Variants in TMOD1 observed in about 807,000 individuals in gnomAD.
The protein encoded by TMOD1 is tropomodulin 1.
In TMOD1, 17 loss-of-function variants were observed where a neutral mutation model predicts 40.6. The observed-to-expected ratio is 0.42, with a 90% confidence interval of 0.29 to 0.63. The LOEUF is 0.63. Among genes scored for constraint, TMOD1 ranks in the 20% least tolerant of loss-of-function variants. TMOD1 has a pLI of 0.22. For synonymous variants in TMOD1, 181 were observed against 175.0 expected (o/e 1.03, Z -0.27); for missense variants, 391 against 447.6 (o/e 0.87, Z 1.14).
chr9:97,578,895 A>G (rs1825677712), intron 8 of TMOD1, among the ~76,000 whole-genome samples: 1 of 152,174 alleles, frequency 6.6e-6, no homozygotes, highest in Non-Finnish European at 1.5e-5. Context: ...TTGCAGCAAG[A>G]GACCTCAAGG....
At chr9:97,515,212 A>C (rs1829785477) in intron 1 of TMOD1, among the ~76,000 whole-genome samples, 1 of 151,490 alleles carries the variant, frequency 6.6e-6, no homozygotes, top group East Asian at 1.9e-4. Context: ...AAAAAAAAAA[A>C]AACAAACCAC....
At chr9:97,529,932 A>G (rs1326125540) in intron 2 of TMOD1, among the ~76,000 whole-genome samples, 1 of 152,194 alleles carries the variant, frequency 6.6e-6, no homozygotes, top group Non-Finnish European at 1.5e-5. Flanking sequence ...GGGAGGGTTC[A>G]GTCATTAGCC....
At chr9:97,526,989 T>C (rs1830024283) in intron 2 of TMOD1, among the ~76,000 whole-genome samples, 2 of 152,176 alleles carry the variant, frequency 1.3e-5, no homozygotes, top group Admixed American at 1.3e-4. Flanking sequence ...CTCCTCTTCC[T>C]GATATTCACG....
chr9:97,569,175 C>G, intron 8 of TMOD1, 138 bp downstream of exon 8: 1 of 1,105,952 alleles, frequency 9.0e-7, no homozygotes, highest in Admixed American at 2.7e-5. Context: ...CTCCAAGGTC[C>G]CTAAAGTTCA....
upstream of TMOD1, chr9:97,501,290 G>A (rs769310871): frequency 1.3e-5 from 2 of 152,234 alleles, no homozygotes; most frequent in Non-Finnish European, 2.9e-5. Flanking sequence ...CAGCTGCTTA[G>A]CTGGCTTTGG....
intron 2 of TMOD1, among the ~76,000 whole-genome samples, chr9:97,527,374 C>A (rs930472086): frequency 6.6e-6 from 1 of 152,214 alleles, no homozygotes; most frequent in Non-Finnish European, 1.5e-5. Flanking sequence ...GGAGCACAGG[C>A]TGGTGGGGAC....
chr9:97,582,033 G>T (rs1825768351), intron 8 of TMOD1, among the ~76,000 whole-genome samples: 2 of 151,928 alleles, frequency 1.3e-5, no homozygotes, highest in Non-Finnish European at 2.9e-5. Flanking sequence ...GTCTTTTGTT[G>T]CCATTGCTTT....
intron 8 of TMOD1, among the ~76,000 whole-genome samples, chr9:97,579,902 C>T (rs1250653812): frequency 6.6e-6 from 1 of 152,114 alleles, no homozygotes; most frequent in African/African-American, 2.4e-5. Context: ...CATATTAAGG[C>T]AATAGGGATA....
Position 97,600,905 on chromosome 9 carries a change from CTAA to C in TMOD1, c.*1210_*1212del, listed in dbSNP as rs1332003853. The C allele has an allele frequency of 1.7e-6, 2 of 1,155,330 alleles. No homozygotes were observed. Among genetic ancestry groups the C allele is most frequent in the Non-Finnish European group, 2.2e-6 (2 of 918,772 alleles). The allele number at this position is 1,155,330 out of a possible 1,614,324, so 71.6% of individuals were successfully genotyped here. A position where few individuals can be genotyped will look rare whatever the true frequency, so the allele number is the denominator to read the frequency against. ...TTAATATACCACAGTGCCAGTTAAA[CTAA>C]TATTTTTGTTTGTTGCTTTTGGGAG... On this transcript the variant is annotated 3_prime_UTR_variant, in exon 10 of 10. Transcript: ENST00000259365.
intron 3 of TMOD1, among the ~76,000 whole-genome samples, chr9:97,547,162 C>T (rs1378601211): frequency 6.6e-6 from 1 of 152,090 alleles, no homozygotes; most frequent in Non-Finnish European, 1.5e-5. Flanking sequence ...CAGAGAGGGC[C>T]TCCCTGACCA....
intron 1 of TMOD1, among the ~76,000 whole-genome samples, chr9:97,519,405 A>G (rs921856441): frequency 2.0e-5 from 3 of 152,158 alleles, no homozygotes; most frequent in African/African-American, 7.2e-5. Context: ...AATAGACACC[A>G]GATTTGGAAG....
intron 2 of TMOD1, among the ~76,000 whole-genome samples, chr9:97,531,153 G>T (rs568688296): frequency 6.6e-6 from 1 of 151,666 alleles, no homozygotes; most frequent in South Asian, 2.1e-4. Context: ...CATTTTATGG[G>T]CATCATTTCA....
chr9:97,545,010 C>CAA lies in TMOD1; in HGVS notation c.121-1159_121-1158dup, dbSNP rs3052089. Among the ~76,000 whole-genome samples the CAA allele has an allele frequency of 3.9e-3, 325 of 82,936 alleles. 2 individuals are homozygous for CAA. Among genetic ancestry groups the CAA allele is most frequent in the African/African-American group, 0.012 (285 of 22,970 alleles). The allele number at this position is 82,936 out of a possible 152,430, so 54.4% of individuals were successfully genotyped here. On this transcript the variant is annotated intron_variant, in intron 2 of 9. Transcript: ENST00000259365. ...GGTGCAACAGAGCGAGAGTCCATCT[C>CAA]AAAAAAAAAAAAAAAAAGGTTGGAG...
intron 2 of TMOD1, among the ~76,000 whole-genome samples, chr9:97,533,484 A>C (rs1830133978): frequency 6.6e-6 from 1 of 152,214 alleles, no homozygotes; most frequent in African/African-American, 2.4e-5. Context: ...GTTCACATAG[A>C]CTAGAGAGTG....
In TMOD1 at chr9:97,600,220, A is replaced by G; in HGVS notation, c.*522A>G. On this transcript the variant is annotated 3_prime_UTR_variant, in exon 10 of 10. Transcript: ENST00000259365. ...TTGCCAAATTGATTACTGGATCCAGAACACAATTTTCCCCTCAGAACAGAT... is the reference window on the plus strand; with the variant it reads ...TTGCCAAATTGATTACTGGATCCAGGACACAATTTTCCCCTCAGAACAGAT... The G allele has an allele frequency of 1.0e-6, 1 of 994,096 alleles. No homozygotes were observed. The highest frequency in any genetic ancestry group is 1.2e-6 in the Non-Finnish European group (1 of 834,272). 61.6% of individuals were successfully genotyped at this position (994,096 alleles called of 1,614,324 possible).
chr9:97,585,339 C>G (rs1825847233), intron 8 of TMOD1, among the ~76,000 whole-genome samples: 1 of 151,318 alleles, frequency 6.6e-6, no homozygotes, highest in South Asian at 2.1e-4. Flanking sequence ...GGCCCCCACT[C>G]TCTTCTGGCT....
chr9:97,540,246 C>T (rs1246399146), intron 2 of TMOD1, among the ~76,000 whole-genome samples: 6 of 152,156 alleles, frequency 3.9e-5, no homozygotes, highest in South Asian at 4.1e-4. Context: ...TGCACAATTC[C>T]GGAGGCTTAG....
intron 4 of TMOD1, among the ~76,000 whole-genome samples, chr9:97,556,975 GC>G (rs1830546501): frequency 6.6e-6 from 1 of 152,056 alleles, no homozygotes; most frequent in Admixed American, 6.5e-5. Context: ...GCTCAGGTGT[GC>G]CCTCCTAACT....
At chr9:97,538,963 C>T (rs1457386477) in intron 2 of TMOD1, among the ~76,000 whole-genome samples, 4 of 152,100 alleles carry the variant, frequency 2.6e-5, no homozygotes, top group African/African-American at 9.7e-5. Context: ...TGAGATAGCA[C>T]CACTGCACTC....
Sources: allele counts gnomAD v4.1 joint callset (sites outside exome capture counted in the v4.1 genomes callset), GRCh38; gene constraint gnomAD v4.1.1; transcripts MANE v1.5; gene names NCBI Gene and HGNC (gene_info 2026-07-23, HGNC 2026-07-21).